Variants in MBP observed in about 807,000 individuals in gnomAD.
MBP encodes myelin basic protein, also known as Golli-MBP.
MBP carries 16 observed loss-of-function variants against 35.8 expected under a neutral mutation model. That is an observed-to-expected ratio of 0.45 (90% CI 0.30 to 0.68). The LOEUF is 0.68. MBP is among the 30% of genes least tolerant of loss of function. The pLI, the probability that MBP is intolerant of heterozygous loss-of-function variation, is 0.08. For synonymous variants in MBP, 143 were observed against 159.6 expected, an observed-to-expected ratio of 0.90 and a Z score of 0.78; for missense variants, 380 against 404.7, an observed-to-expected ratio of 0.94 and a Z score of 0.52.
At chr18:77,094,464 C>T (rs952533374) in intron 2 of MBP, among the ~76,000 whole-genome samples, 3 of 152,218 alleles carry the variant, frequency 2.0e-5, no homozygotes. Context: ...AGGAGGCACA[C>T]CTTAACGGGG....
chr18:76,986,117 G>A (rs1363572830), intron 7 of MBP: 1 of 985,486 alleles, frequency 1.0e-6, no homozygotes, highest in African/African-American at 1.7e-5. Context: ...CCCACGGTGG[G>A]TGCACTGTCT....
At chr18:77,040,628 G>T (rs139061772) in intron 3 of MBP, among the ~76,000 whole-genome samples, 3 of 152,042 alleles carry the variant, frequency 2.0e-5, no homozygotes, top group Non-Finnish European at 2.9e-5. Flanking sequence ...ATAATGCCGC[G>T]TATCTACAAC....
intron 2 of MBP, among the ~76,000 whole-genome samples, chr18:77,074,768 T>C (rs2144870139): frequency 6.6e-6 from 1 of 152,344 alleles, no homozygotes; most frequent in South Asian, 2.1e-4. Flanking sequence ...AACGCCCTTA[T>C]AATTGCATAA....
In MBP at chr18:77,015,171, T is replaced by C. The variant is rs767328160; in HGVS notation, c.576+1661A>G. The C allele has an allele frequency of 3.0e-5, 30 of 984,874 alleles. No homozygotes were observed. The Middle Eastern group carries it at 1.6e-3, about 51-fold the overall frequency. The allele number at this position is 984,874 out of a possible 1,614,324, so 61.0% of individuals were successfully genotyped here. The stretch of plus-strand genomic sequence containing the variant: ...ATGATTGATATCAATGCTTTCACCA[T>C]TTTATTTCAACTTAAACCAGTGTCA... On this transcript the variant is annotated intron_variant, in intron 4 of 8. Transcript: ENST00000355994.
At chr18:77,039,322 A>G (rs888883021) in intron 3 of MBP, among the ~76,000 whole-genome samples, 4 of 152,228 alleles carry the variant, frequency 2.6e-5, no homozygotes, top group African/African-American at 9.6e-5. Flanking sequence ...CCCTGATGGG[A>G]TAGAGTGCTG....
intron 1 of MBP, chr18:77,108,272 T>C (rs1364757948): frequency 6.6e-6 from 1 of 152,226 alleles, no homozygotes; most frequent in African/African-American, 2.4e-5. Flanking sequence ...GCTGCATGCT[T>C]GGAGGAAATC....
chr18:77,062,425 G>C (rs1256786936), intron 3 of MBP, among the ~76,000 whole-genome samples: 4 of 151,684 alleles, frequency 2.6e-5, no homozygotes, highest in African/African-American at 9.7e-5. Context: ...ACAACGCCCA[G>C]TTCTCTAGGT....
intron 8 of MBP, chr18:76,983,249 C>T (rs1355585645): frequency 6.6e-6 from 1 of 152,208 alleles, no homozygotes; most frequent in African/African-American, 2.4e-5. Context: ...GGGATGAATC[C>T]GTGTTTCCCA....
In MBP at chr18:76,980,121, A is replaced by G. The variant is rs2123025385; in HGVS notation, c.*306T>C. On this transcript the variant is annotated 3_prime_UTR_variant, in exon 9 of 9. Transcript: ENST00000355994. Reference sequence around the variant, plus strand: ...TCCAAGGGTGGAGGGGTGAACGTGGAGGGACGTCTGTGCACCTGGCCCCCT... The same window carrying G: ...TCCAAGGGTGGAGGGGTGAACGTGGGGGGACGTCTGTGCACCTGGCCCCCT... 1 of 676,774 alleles carries G rather than the reference A, an allele frequency of 1.5e-6. No homozygotes were observed. Among genetic ancestry groups the G allele is most frequent in the East Asian group, 2.7e-5 (1 of 37,104 alleles). 41.9% of individuals were successfully genotyped at this position (676,774 alleles called of 1,614,324 possible).
At chr18:77,029,123 T>G (rs1269965952) in intron 3 of MBP, among the ~76,000 whole-genome samples, 1 of 108,548 alleles carries the variant, frequency 9.2e-6, no homozygotes, top group African/African-American at 2.7e-5. Flanking sequence ...TGGGCACCAT[T>G]GAGCACTGAG....
chr18:77,029,297 G>C (rs1213035170), intron 3 of MBP, among the ~76,000 whole-genome samples: 1 of 150,100 alleles, frequency 6.7e-6, no homozygotes, highest in Admixed American at 6.6e-5. Flanking sequence ...TGCAATCGCA[G>C]GCACTCGGCA....
At chr18:77,119,870 C>T (rs1453239732) in intron 1 of MBP, among the ~76,000 whole-genome samples, 2 of 152,210 alleles carry the variant, frequency 1.3e-5, no homozygotes, top group Non-Finnish European at 2.9e-5. Flanking sequence ...CTTCCCTGAG[C>T]TTGAGGCTGA....
rs1016402885 is a variant in MBP, at chr18:76,989,252, G to A, written c.682-340C>T. On this transcript the variant is annotated intron_variant, in intron 5 of 8. Coordinates refer to ENST00000355994, the MANE Select transcript of MBP (RefSeq NM_001025101.2). This position sits in a 1 kb window ranked among gnomAD's most constrained non-coding sequence, Gnocchi z 4.0. ...AGCCCTTTCCGGGGCTAGGAGTAGC[G>A]GGCCCTCTGACATTCAGAGCTTCCA... is the stretch of plus-strand genomic sequence containing the variant. 6.6e-6 allele frequency among the ~76,000 whole-genome samples: 1 copy of A among 152,154 alleles called. No homozygotes were observed. Among genetic ancestry groups the A allele is most frequent in the African/African-American group, 2.4e-5 (1 of 41,436 alleles).
intron 1 of MBP, chr18:77,110,045 C>A (rs1420173265): frequency 6.6e-6 from 1 of 152,124 alleles, no homozygotes; most frequent in African/African-American, 2.4e-5. Context: ...TTTCTATAAA[C>A]CTAAGTTAGA....
intron 3 of MBP, among the ~76,000 whole-genome samples, chr18:77,056,633 G>C (rs756024920): frequency 6.6e-6 from 1 of 152,136 alleles, no homozygotes; most frequent in Non-Finnish European, 1.5e-5. Flanking sequence ...GCTCACCCCA[G>C]TGCTTAAAAA....
chr18:77,132,066 G>C (rs1194819630), intron 1 of MBP, among the ~76,000 whole-genome samples: 1 of 152,108 alleles, frequency 6.6e-6, no homozygotes, highest in East Asian at 1.9e-4. Flanking sequence ...GAGCCGGGAG[G>C]ACCCCCCAGC....
intron 4 of MBP, 35 bp downstream of exon 4, chr18:77,016,797 T>C: frequency 6.2e-7 from 1 of 1,606,390 alleles, no homozygotes; most frequent in Non-Finnish European, 8.5e-7. Flanking sequence ...GCTTTTTCCA[T>C]TTAAACTAAA....
At position 77,105,212 on chromosome 18, in the gene MBP, G is replaced by A. The variant is rs143996211; in HGVS notation, c.50C>T (p.Thr17Met). Residue 17 changes from threonine to methionine, a missense_variant and splice_region_variant, in exon 2 of 9, where the codon ACG (threonine) becomes ATG (methionine). Thr to Met is a moderately conservative substitution (Grantham distance 81). Coordinates refer to ENST00000355994, the MANE Select transcript of MBP (RefSeq NM_001025101.2). Reference sequence around the variant, plus strand: ...GTTTCGGATCAGCTCACGTCTTACCGTACTGGCCTTCTCGGCATTTAATTC... The same window carrying A: ...GTTTCGGATCAGCTCACGTCTTACCATACTGGCCTTCTCGGCATTTAATTC... ...KRELNAEKAS[T>M]NSETNRGESE... is the part of the protein sequence containing the mutation. 1.6e-5 allele frequency: 26 copies of A among 1,612,744 alleles called. No homozygotes were observed. The East Asian group carries it at 2.0e-4, about 12-fold the overall frequency.
chr18:76,997,908 TCCTGACCTCGTGATCC>T (rs1160407467), intron 4 of MBP, among the ~76,000 whole-genome samples: 3 of 141,274 alleles, frequency 2.1e-5, no homozygotes, highest in Non-Finnish European at 4.9e-5. Flanking sequence ...GGTCTCGATC[TCCTGACCTCGTGATCC>T]GCCCGCCTCG....
Sources: allele counts gnomAD v4.1 joint callset (sites outside exome capture counted in the v4.1 genomes callset), GRCh38; gene constraint gnomAD v4.1.1; non-coding constraint Gnocchi (gnomAD v3.1); transcripts MANE v1.5; gene names NCBI Gene and HGNC (gene_info 2026-07-23, HGNC 2026-07-21).